KLHL14: variants seen among roughly 807,000 people sequenced by gnomAD.
KLHL14 encodes the protein kelch like family member 14, also known as kelch-like protein 14.
A neutral mutation model predicts 64.3 loss-of-function variants in KLHL14; 22 were observed. The observed-to-expected ratio is 0.34, with a 90% CI of 0.24 to 0.49. The LOEUF is 0.49. Among genes scored for constraint, KLHL14 ranks in the 20% least tolerant of loss-of-function variants. The probability of loss-of-function intolerance (pLI) is 0.99; values close to 1 mark genes in which losing one functional copy is unlikely to be tolerated. For missense variants in KLHL14, 661 were observed against 789.0 expected, an observed-to-expected ratio of 0.84 and a Z score of 1.94; for synonymous variants, 322 against 333.4, an observed-to-expected ratio of 0.97 and a Z score of 0.37.
chr18:32,748,002 A>G (rs1353536144), intron 2 of KLHL14, among the ~76,000 whole-genome samples: 1 of 152,150 alleles, frequency 6.6e-6, no homozygotes, highest in Admixed American at 6.5e-5. Flanking sequence ...TGTTCTAAGG[A>G]TTGGAGATAA....
intron 3 of KLHL14, among the ~76,000 whole-genome samples, chr18:32,699,831 A>T (rs990419038): frequency 6.6e-6 from 1 of 152,182 alleles, no homozygotes; most frequent in Admixed American, 6.5e-5. Flanking sequence ...ATATTTGAAT[A>T]GCTGGTTTCC....
intron 3 of KLHL14, among the ~76,000 whole-genome samples, chr18:32,712,646 T>C (rs746843978): frequency 7.2e-5 from 11 of 152,226 alleles, no homozygotes; most frequent in Non-Finnish European, 1.3e-4. Flanking sequence ...CTCTTCTTTC[T>C]ACCTATCCCA....
chr18:32,760,987 T>C (rs1598580024), intron 2 of KLHL14, among the ~76,000 whole-genome samples: 1 of 152,236 alleles, frequency 6.6e-6, no homozygotes, highest in East Asian at 1.9e-4. Flanking sequence ...ATCATGAATA[T>C]GTCCTAGTGA....
At chr18:32,760,265 T>C (rs1364224535) in intron 2 of KLHL14, among the ~76,000 whole-genome samples, 3 of 151,858 alleles carry the variant, frequency 2.0e-5, no homozygotes, top group Non-Finnish European at 2.9e-5. Flanking sequence ...AAAAAACACA[T>C]CTCAGAAATC....
intron 3 of KLHL14, among the ~76,000 whole-genome samples, chr18:32,730,417 G>T (rs7235638): frequency 0.051 from 7,773 of 152,248 alleles, 602 homozygotes; most frequent in African/African-American, 0.17. Flanking sequence ...CATGTACTCT[G>T]TGTTCAGGTA....
Position 32,677,740 on chromosome 18 carries a change from A to G in KLHL14, c.1589-410T>C, listed in dbSNP as rs2049818582. Among the ~76,000 whole-genome samples the G allele has an allele frequency of 2.0e-5, 3 of 152,278 alleles. No individual in the cohort carries two copies. The South Asian group carries it at 6.2e-4, about 32-fold the overall frequency. On this transcript the variant is annotated intron_variant, in intron 7 of 8. Transcript: ENST00000359358. ...CTCATTCAATCCCTTCCATCACTCT[A>G]TGAGATAGTCCCTGTCCTCACTTTC...
intron 3 of KLHL14, among the ~76,000 whole-genome samples, chr18:32,727,119 T>C (rs1433448737): frequency 6.6e-6 from 1 of 152,256 alleles, no homozygotes; most frequent in African/African-American, 2.4e-5. Flanking sequence ...TTGGCTACTA[T>C]ATTTGTGAAT....
chr18:32,676,200 T>C (rs910091469), intron 8 of KLHL14, among the ~76,000 whole-genome samples: 3 of 152,168 alleles, frequency 2.0e-5, no homozygotes, highest in African/African-American at 2.4e-5. Flanking sequence ...ATCTCTAACT[T>C]CCAGTCTCCA....
intron 3 of KLHL14, among the ~76,000 whole-genome samples, chr18:32,726,582 C>T (rs570569708): frequency 6.6e-6 from 1 of 151,886 alleles, no homozygotes; most frequent in Non-Finnish European, 1.5e-5. Context: ...CAAGATCGTG[C>T]CACTGCACTC....
In KLHL14 at chr18:32,770,371, C is replaced by T. The variant is rs893622629; in HGVS notation, c.221G>A (p.Gly74Asp). The change falls in exon 2 of 9, where the codon GGC (glycine) becomes GAC (aspartate). Residue 74 changes from glycine (G) to aspartate (D), a missense_variant. Coordinates refer to ENST00000359358, the MANE Select transcript of KLHL14 (RefSeq NM_020805.3). This position sits in a 1 kb window ranked among gnomAD's most constrained non-coding sequence, Gnocchi z 6.7. ...SHPPLGGGVGGQDGLGAPKDQ... is the reference protein window; with the variant it reads ...SHPPLGGGVGDQDGLGAPKDQ... ...CTTGGGGGCCCCCAGGCCGTCCTGGCCGCCGACCCCTCCCCCGAGAGGGGG... is the reference window on the plus strand; with the variant it reads ...CTTGGGGGCCCCCAGGCCGTCCTGGTCGCCGACCCCTCCCCCGAGAGGGGG... 1.9e-6 allele frequency: 3 copies of T among 1,588,072 alleles called. No individual in the cohort carries two copies. Among genetic ancestry groups the T allele is most frequent in the Middle Eastern group, 1.7e-4 (1 of 5,908 alleles).
Position 32,770,148 on chromosome 18 carries a change from G to C in KLHL14, c.444C>G (p.Thr148=). 2 of 1,614,170 alleles carry C rather than the reference G, an allele frequency of 1.2e-6. No individual in the cohort carries two copies. Among genetic ancestry groups the C allele is most frequent in the Non-Finnish European group, 1.7e-6 (2 of 1,180,032 alleles). ...VLEYLYTANV[T]LSLDTVEEVL... ...CCTCCTCCACCGTGTCCAGGGACAG[G>C]GTCACGTTGGCCGTGTAGAGGTACT... Residue 148 remains threonine, a synonymous_variant, in exon 2 of 9, where the codon ACC becomes ACG. Transcript: ENST00000359358. This position sits in a 1 kb window ranked among gnomAD's most constrained non-coding sequence, Gnocchi z 6.7.
chr18:32,762,298 G>A (rs1477594785), intron 2 of KLHL14, among the ~76,000 whole-genome samples: 1 of 151,864 alleles, frequency 6.6e-6, no homozygotes, highest in Non-Finnish European at 1.5e-5. Flanking sequence ...GGTATGCCAT[G>A]ATTTAAGTGT....
intron 2 of KLHL14, among the ~76,000 whole-genome samples, chr18:32,753,303 C>A (rs1433987589): frequency 6.6e-6 from 1 of 152,152 alleles, no homozygotes; most frequent in Non-Finnish European, 1.5e-5. Context: ...AACTCTGCCA[C>A]TTCCTGTCTG....
intron 3 of KLHL14, among the ~76,000 whole-genome samples, chr18:32,730,543 A>C (rs1037767413): frequency 2.0e-5 from 3 of 152,228 alleles, no homozygotes; most frequent in African/African-American, 7.2e-5. Context: ...TGTCTGGTTT[A>C]TACCCATCAT....
At chr18:32,768,486 T>C (rs1033910264) in intron 2 of KLHL14, among the ~76,000 whole-genome samples, 1 of 151,994 alleles carries the variant, frequency 6.6e-6, no homozygotes, top group Non-Finnish European at 1.5e-5. Flanking sequence ...GACATCATTC[T>C]GACTGGGAAA....
Position 32,672,902 on chromosome 18 carries a change from G to T in KLHL14, c.*1755C>A, listed in dbSNP as rs978086137. 1.3e-5 allele frequency: 2 copies of T among 152,510 alleles called. No individual in the cohort carries two copies. Among genetic ancestry groups the T allele is most frequent in the Admixed American group, 1.3e-4 (2 of 15,262 alleles). 9.4% of individuals were successfully genotyped at this position (152,510 alleles called of 1,614,324 possible). On this transcript the variant is annotated 3_prime_UTR_variant, in exon 9 of 9. Transcript: ENST00000359358. ...GCAGAACAAGTCTAAGGAAAGCAAA[G>T]GTTCTTGTACAAATTGTGACTTTTG...
At chr18:32,765,227 G>A (rs1176755571) in intron 2 of KLHL14, among the ~76,000 whole-genome samples, 1 of 152,176 alleles carries the variant, frequency 6.6e-6, no homozygotes, top group East Asian at 1.9e-4. Flanking sequence ...AGTAGCAGTT[G>A]TAAATAAGGT....
chr18:32,756,024 C>T (rs1368511480), intron 2 of KLHL14, among the ~76,000 whole-genome samples: 1 of 152,102 alleles, frequency 6.6e-6, no homozygotes, highest in Non-Finnish European at 1.5e-5. Flanking sequence ...GTGTCTTAAA[C>T]GTGGCTTTGT....
At chr18:32,728,056 T>C (rs1350484043) in intron 3 of KLHL14, among the ~76,000 whole-genome samples, 1 of 152,222 alleles carries the variant, frequency 6.6e-6, no homozygotes, top group East Asian at 1.9e-4. Context: ...TTATATTCTT[T>C]CTTCAATCTT....
Sources: gnomAD v4.1 joint callset for allele counts (sites outside exome capture counted in the v4.1 genomes callset) on GRCh38, gnomAD v4.1.1 for gene constraint, Gnocchi (gnomAD v3.1) non-coding constraint, MANE v1.5 for transcripts, NCBI Gene and HGNC (gene_info 2026-07-23, HGNC 2026-07-21) for gene names.